TENM4: variants seen among roughly 807,000 people sequenced by gnomAD.
TENM4 encodes the protein teneurin-4.
TENM4 carries 82 observed loss-of-function variants against 243.3 expected under a neutral mutation model. The ratio of observed to expected loss-of-function variants is 0.34; its 90% confidence interval spans 0.28 to 0.40. TENM4 has a LOEUF of 0.40. TENM4 is among the 10% of genes least tolerant of loss of function. The probability of loss-of-function intolerance (pLI) is 1.00; values close to 1 mark genes in which losing one functional copy is unlikely to be tolerated. For missense variants in TENM4, 3,138 were observed against 3,673.3 expected (o/e 0.85, Z 3.77); for synonymous variants, 1,412 against 1,456.3 (o/e 0.97, Z 0.69).
At chr11:79,297,752 C>G (rs772235808) in intron 1 of TENM4, among the ~76,000 whole-genome samples, 1 of 152,084 alleles carries the variant, frequency 6.6e-6, no homozygotes, top group African/African-American at 2.4e-5. Flanking sequence ...TCAAGCAGGA[C>G]GCTCGCTGAT....
intron 6 of TENM4, among the ~76,000 whole-genome samples, chr11:78,990,892 T>C (rs1435824715): frequency 2.6e-5 from 4 of 152,234 alleles, no homozygotes; most frequent in African/African-American, 9.6e-5. Flanking sequence ...AACTACCATG[T>C]GTTAACTTGC....
intron 6 of TENM4, among the ~76,000 whole-genome samples, chr11:79,027,721 G>T (rs777826809): frequency 4.4e-4 from 67 of 152,150 alleles, no homozygotes; most frequent in Non-Finnish European, 8.2e-4. Flanking sequence ...CCAGCTTAGG[G>T]CTTTCCATAG....
Position 78,819,767 on chromosome 11 carries a change from A to T in TENM4, c.1682-5372T>A, listed in dbSNP as rs371911482. On this transcript the variant is annotated intron_variant, in intron 12 of 33. Coordinates refer to ENST00000278550, the MANE Select transcript of TENM4 (RefSeq NM_001098816.3). Reference sequence around the variant, plus strand: ...GTTCCCTTGTGATATGTCCAGGCTAATAGAAGCCTGCATTTACTACTAATA... The same window carrying T: ...GTTCCCTTGTGATATGTCCAGGCTATTAGAAGCCTGCATTTACTACTAATA... Among the ~76,000 whole-genome samples the T allele has an allele frequency of 4.6e-5, 7 of 152,352 alleles. No individual in the cohort carries two copies. In the South Asian group the frequency reaches 1.5e-3, roughly 32 times the overall value.
At chr11:79,352,570 G>C (rs1244359195) in intron 1 of TENM4, among the ~76,000 whole-genome samples, 3 of 152,204 alleles carry the variant, frequency 2.0e-5, no homozygotes, top group East Asian at 3.9e-4. Context: ...GCTGACAGAA[G>C]GATGTGCATG....
At chr11:79,199,344 G>A (rs188140781) in intron 3 of TENM4, among the ~76,000 whole-genome samples, 13 of 152,268 alleles carry the variant, frequency 8.5e-5, no homozygotes, top group East Asian at 3.9e-4. Context: ...ATTTGCTGTC[G>A]TTACTATTAT....
chr11:78,743,947 G>A (rs56982614), intron 19 of TENM4, among the ~76,000 whole-genome samples: 4,489 of 152,228 alleles, frequency 0.029, 223 homozygotes, highest in African/African-American at 0.1. Context: ...TAAAGTATTT[G>A]CTAGTCTATG....
chr11:79,059,481 C>T (rs934716039), intron 6 of TENM4, among the ~76,000 whole-genome samples: 4 of 152,174 alleles, frequency 2.6e-5, no homozygotes, highest in Admixed American at 6.5e-5. Context: ...TAATAGCTCC[C>T]GTGAATTAAG....
At chr11:79,247,683 A>G (rs1855543951) in intron 2 of TENM4, among the ~76,000 whole-genome samples, 1 of 152,244 alleles carries the variant, frequency 6.6e-6, no homozygotes, top group African/African-American at 2.4e-5. Flanking sequence ...GCTCCCAGCC[A>G]GGAAGTGATG....
At chr11:78,953,781 G>A (rs968121886) in intron 6 of TENM4, among the ~76,000 whole-genome samples, 2 of 152,110 alleles carry the variant, frequency 1.3e-5, no homozygotes, top group African/African-American at 4.8e-5. Context: ...TAGTATCCCT[G>A]GAGGTTGCTG....
At chr11:78,760,518 G>A (rs906364032) in intron 18 of TENM4, among the ~76,000 whole-genome samples, 1 of 152,186 alleles carries the variant, frequency 6.6e-6, no homozygotes, top group Non-Finnish European at 1.5e-5. Flanking sequence ...AACTTCCCTT[G>A]GATGTCTTGT....
At chr11:79,198,732 G>A (rs1279954575) in intron 3 of TENM4, among the ~76,000 whole-genome samples, 5 of 152,212 alleles carry the variant, frequency 3.3e-5, no homozygotes, top group Non-Finnish European at 7.3e-5. Flanking sequence ...TCTGTGTCAG[G>A]CACTGAGCAG....
chr11:79,164,048 A>T (rs1017164456), intron 3 of TENM4, among the ~76,000 whole-genome samples: 26 of 121,922 alleles, frequency 2.1e-4, no homozygotes, highest in African/African-American at 3.9e-4. Context: ...ATACACTATA[A>T]ATACTATGTA....
At chr11:79,284,188 G>T (rs1293927975) in intron 2 of TENM4, among the ~76,000 whole-genome samples, 1 of 152,060 alleles carries the variant, frequency 6.6e-6, no homozygotes, top group Non-Finnish European at 1.5e-5. Flanking sequence ...ATTCTCTTTT[G>T]TAGAAATTTA....
intron 12 of TENM4, among the ~76,000 whole-genome samples, chr11:78,853,257 G>T (rs2136201309): frequency 6.6e-6 from 1 of 152,232 alleles, no homozygotes; most frequent in Non-Finnish European, 1.5e-5. Context: ...TCCAGACTAT[G>T]TCATAGTGCT....
At chr11:79,273,501 C>T (rs1010555491) in intron 2 of TENM4, among the ~76,000 whole-genome samples, 8 of 152,194 alleles carry the variant, frequency 5.3e-5, no homozygotes, top group Non-Finnish European at 8.8e-5. Context: ...ATTCCCACCA[C>T]AGGCCAACCA....
chr11:79,139,776 TA>T lies in TENM4; in HGVS notation c.-66+8933del, dbSNP rs374755467. ...TATATATTATATTTATATAAATATATAATATATATTATATTTATATAAATAT... is the reference window on the plus strand; with the variant it reads ...TATATATTATATTTATATAAATATATATATATATTATATTTATATAAATAT... On this transcript the variant is annotated intron_variant, in intron 4 of 33. Transcript: ENST00000278550. Among the ~76,000 whole-genome samples, 49 of 5,254 alleles carry T rather than the reference TA, an allele frequency of 9.3e-3. 10 individuals are homozygous for T. The East Asian group carries it at 0.39, about 42-fold the overall frequency. The allele number at this position is 5,254 out of a possible 152,430, so 3.4% of individuals were successfully genotyped here. A position where few individuals can be genotyped will look rare whatever the true frequency, so the allele number is the denominator to read the frequency against.
intron 2 of TENM4, among the ~76,000 whole-genome samples, chr11:79,232,234 T>G (rs1864386743): frequency 6.6e-6 from 1 of 151,936 alleles, no homozygotes; most frequent in South Asian, 2.1e-4. Flanking sequence ...TTCTGTGGAG[T>G]CAGTAATGTG....
intron 32 of TENM4, among the ~76,000 whole-genome samples, chr11:78,662,382 G>A (rs927754009): frequency 3.3e-5 from 5 of 151,840 alleles, no homozygotes; most frequent in African/African-American, 9.7e-5. Context: ...GTAGAGACGG[G>A]GTTTTACCAT....
chr11:79,299,062 C>CCACACACACACACA (rs61589223), intron 1 of TENM4, among the ~76,000 whole-genome samples: 11 of 150,150 alleles, frequency 7.3e-5, no homozygotes, highest in African/African-American at 2.7e-4. Flanking sequence ...GGTGCTGTAT[C>CCACACACACACACA]CACACACACA....
Sources: allele counts gnomAD v4.1 joint callset (sites outside exome capture counted in the v4.1 genomes callset), GRCh38; gene constraint gnomAD v4.1.1; transcripts MANE v1.5; gene names NCBI Gene and HGNC (gene_info 2026-07-23, HGNC 2026-07-21).